PPP2R2A: variants seen among roughly 807,000 people sequenced by gnomAD.
PPP2R2A encodes serine/threonine-protein phosphatase 2A 55 kDa regulatory subunit B alpha isoform.
PPP2R2A carries 9 observed loss-of-function variants against 53.2 expected under a neutral mutation model. The ratio of observed to expected loss-of-function variants is 0.17; its 90% CI spans 0.10 to 0.30. The LOEUF (loss-of-function observed/expected upper bound fraction) is 0.30, where lower values mean the gene tolerates loss of function less well. Ranked by LOEUF, PPP2R2A falls within the 10% of genes least tolerant of loss-of-function variation. PPP2R2A has a pLI of 1.00. For synonymous variants in PPP2R2A, 169 were observed against 174.2 expected (o/e 0.97, Z 0.23); for missense variants, 235 against 534.6 (o/e 0.44, Z 5.53).
chr8:26,345,035 A>G (rs1804141176), intron 3 of PPP2R2A, among the ~76,000 whole-genome samples: 1 of 152,230 alleles, frequency 6.6e-6, no homozygotes, highest in African/African-American at 2.4e-5. Context: ...TCATTTGTGC[A>G]TGAAACACAG....
chr8:26,364,956 C>T (rs1030393039), intron 8 of PPP2R2A: 3 of 152,092 alleles, frequency 2.0e-5, no homozygotes, highest in Non-Finnish European at 4.4e-5. Flanking sequence ...ACCCATCCCT[C>T]GTGTATACTG....
intron 2 of PPP2R2A, among the ~76,000 whole-genome samples, chr8:26,294,868 C>T (rs1334578138): frequency 2.0e-5 from 3 of 152,184 alleles, no homozygotes; most frequent in Non-Finnish European, 4.4e-5. Context: ...AGCTCTCTCA[C>T]GTTCCTTTTC....
intron 7 of PPP2R2A, 197 bp from the exon 8 acceptor site, chr8:26,363,524 A>G: frequency 2.1e-6 from 1 of 486,548 alleles, no homozygotes; most frequent in Non-Finnish European, 3.6e-6. Flanking sequence ...ATACTTATGC[A>G]TCTTCAACTT....
At chr8:26,312,274 A>G (rs1396982124) in intron 2 of PPP2R2A, among the ~76,000 whole-genome samples, 2 of 152,244 alleles carry the variant, frequency 1.3e-5, no homozygotes, top group South Asian at 2.1e-4. Flanking sequence ...CTGATAATCA[A>G]CACTTCTCTA....
chr8:26,325,550 T>A (rs1454829949), intron 2 of PPP2R2A, among the ~76,000 whole-genome samples: 1 of 152,234 alleles, frequency 6.6e-6, no homozygotes, highest in Non-Finnish European at 1.5e-5. Context: ...TCATGTAAGA[T>A]AAGTATCTGC....
chr8:26,300,429 T>A (rs563044125), intron 2 of PPP2R2A, among the ~76,000 whole-genome samples: 41 of 152,320 alleles, frequency 2.7e-4, no homozygotes, highest in Middle Eastern at 3.4e-3. Context: ...ATAGGAAAAC[T>A]GAAGGATTGG....
chr8:26,317,359 T>C (rs1024000692), intron 2 of PPP2R2A, among the ~76,000 whole-genome samples: 6 of 152,234 alleles, frequency 3.9e-5, no homozygotes, highest in African/African-American at 1.4e-4. Flanking sequence ...ACTTATTGTT[T>C]GCTTGCTTAT....
At chr8:26,296,459 C>T (rs1166191326) in intron 2 of PPP2R2A, among the ~76,000 whole-genome samples, 1 of 152,248 alleles carries the variant, frequency 6.6e-6, no homozygotes, top group African/African-American at 2.4e-5. Flanking sequence ...AATCATCCCA[C>T]AGTTCTCTTA....
At chr8:26,324,448 C>G (rs1156604377) in intron 2 of PPP2R2A, among the ~76,000 whole-genome samples, 1 of 152,166 alleles carries the variant, frequency 6.6e-6, no homozygotes, top group East Asian at 1.9e-4. Context: ...GGTGTTGAGC[C>G]TGTGGGTGCA....
intron 3 of PPP2R2A, among the ~76,000 whole-genome samples, chr8:26,342,559 T>C (rs1199314264): frequency 1.3e-5 from 2 of 152,194 alleles, no homozygotes; most frequent in Non-Finnish European, 1.5e-5. Flanking sequence ...CTTTGTGATG[T>C]ACCCTGTAAG....
intron 2 of PPP2R2A, among the ~76,000 whole-genome samples, chr8:26,297,229 C>T (rs1159253292): frequency 2.0e-5 from 3 of 152,140 alleles, no homozygotes; most frequent in Admixed American, 2.0e-4. Context: ...CCTGCCTCAG[C>T]CTCTTGAGAA....
At chr8:26,319,730 T>C (rs989225620) in intron 2 of PPP2R2A, among the ~76,000 whole-genome samples, 1 of 152,200 alleles carries the variant, frequency 6.6e-6, no homozygotes, top group Non-Finnish European at 1.5e-5. Context: ...GGGTGGATTT[T>C]TTTTTATTTA....
Position 26,338,998 on chromosome 8 carries a change from A to T in PPP2R2A, c.180+11A>T. On this transcript the variant is annotated intron_variant, in intron 3 of 9. Coordinates refer to ENST00000380737, the MANE Select transcript of PPP2R2A (RefSeq NM_002717.4). The surrounding 1 kb of genome is among the most constrained non-coding windows in gnomAD (Gnocchi z 4.5). ...CAACAGGAGCAGGAGGTAAGTGTTT[A>T]AAGTTTATTGTCTAAATTTCAGTTT... is the stretch of plus-strand genomic sequence containing the variant. 1 of 1,572,632 alleles carries T rather than the reference A, an allele frequency of 6.4e-7. No individual in the cohort carries two copies. The highest frequency in any genetic ancestry group is 8.7e-7 in the Non-Finnish European group (1 of 1,143,936).
intron 2 of PPP2R2A, among the ~76,000 whole-genome samples, chr8:26,325,241 G>T (rs1428294250): frequency 6.6e-6 from 1 of 151,730 alleles, no homozygotes; most frequent in Non-Finnish European, 1.5e-5. Flanking sequence ...ACCCATGGGG[G>T]GGTAATTGAA....
chr8:26,293,272 C>T lies in PPP2R2A; in HGVS notation c.8-394C>T. ...ATGTTCCCGAAGTTTTCTCTTCGTTCTATGTTTCATGGTAGTTTAACCTTA... is the reference window on the plus strand; with the variant it reads ...ATGTTCCCGAAGTTTTCTCTTCGTTTTATGTTTCATGGTAGTTTAACCTTA... On this transcript the variant is annotated intron_variant, in intron 1 of 9. Coordinates refer to ENST00000380737, the MANE Select transcript of PPP2R2A (RefSeq NM_002717.4). 5 of 1,534,804 alleles carry T rather than the reference C, an allele frequency of 3.3e-6. No individual in the cohort carries two copies. Among genetic ancestry groups the T allele is most frequent in the Non-Finnish European group, 4.4e-6 (5 of 1,145,748 alleles).
intron 2 of PPP2R2A, among the ~76,000 whole-genome samples, chr8:26,308,097 G>A (rs765751159): frequency 7.9e-5 from 12 of 152,306 alleles, no homozygotes; most frequent in Non-Finnish European, 1.5e-4. Context: ...GTATAATAGC[G>A]TTAATGTCTG....
chr8:26,305,631 A>AT (rs1801983223), intron 2 of PPP2R2A, among the ~76,000 whole-genome samples: 1 of 152,170 alleles, frequency 6.6e-6, no homozygotes, highest in Admixed American at 6.5e-5. Flanking sequence ...TTATTCCTTC[A>AT]TTTTAGGTAC....
rs1052957310 is a variant in PPP2R2A at position 26,362,001 on chromosome 8, T to C, written c.638-683T>C. On this transcript the variant is annotated intron_variant, in intron 6 of 9. Transcript: ENST00000380737. This position sits in a 1 kb window ranked among gnomAD's most constrained non-coding sequence, Gnocchi z 4.4. Reference sequence around the variant, plus strand: ...TATAGATTTATATATATTATATTAATTGATATTAAGATTAGATTAAGATTA... The same window carrying C: ...TATAGATTTATATATATTATATTAACTGATATTAAGATTAGATTAAGATTA... Among the ~76,000 whole-genome samples, 6 of 148,728 alleles carry C rather than the reference T, an allele frequency of 4.0e-5. No individual in the cohort carries two copies. The highest frequency in any genetic ancestry group is 1.5e-4 in the African/African-American group (6 of 40,814).
chr8:26,355,882 A>C (rs993710099), intron 4 of PPP2R2A, among the ~76,000 whole-genome samples: 5 of 152,040 alleles, frequency 3.3e-5, no homozygotes, highest in African/African-American at 9.7e-5. Context: ...AAAAAAAAAA[A>C]AAAGTTAGTA....
Sources: allele counts gnomAD v4.1 joint callset (sites outside exome capture counted in the v4.1 genomes callset), GRCh38; gene constraint gnomAD v4.1.1; non-coding constraint Gnocchi (gnomAD v3.1); transcripts MANE v1.5; gene names NCBI Gene and HGNC (gene_info 2026-07-23, HGNC 2026-07-21).